Variants in SPTLC2 observed in about 807,000 individuals in gnomAD.
SPTLC2 encodes the protein serine palmitoyltransferase 2.
In SPTLC2, 21 loss-of-function variants were observed where a neutral mutation model predicts 62.0. The observed-to-expected ratio is 0.34, with a 90% CI of 0.24 to 0.49. The LOEUF (loss-of-function observed/expected upper bound fraction) is 0.49. Among genes scored for constraint, SPTLC2 ranks in the 20% least tolerant of loss-of-function variants. SPTLC2 has a pLI of 0.99. For missense variants in SPTLC2, 511 were observed against 713.0 expected, an observed-to-expected ratio of 0.72 and a Z score of 3.23; for synonymous variants, 261 against 261.8, an observed-to-expected ratio of 1.00 and a Z score of 0.03.
At chr14:77,538,218 C>A (rs2079480916) in intron 9 of SPTLC2, among the ~76,000 whole-genome samples, 1 of 152,196 alleles carries the variant, frequency 6.6e-6, no homozygotes, top group Non-Finnish European at 1.5e-5. Flanking sequence ...AGTACCTCTA[C>A]CATCACATCA....
intron 9 of SPTLC2, among the ~76,000 whole-genome samples, chr14:77,542,235 GT>G (rs1424748902): frequency 2.6e-5 from 4 of 151,636 alleles, no homozygotes; most frequent in African/African-American, 7.3e-5. Context: ...TTTCTTTTGT[GT>G]TTTTTTTCAC....
chr14:77,564,370 A>C lies in SPTLC2; in HGVS notation c.757-1881T>G, dbSNP rs377258549. The stretch of plus-strand genomic sequence containing the variant: ...AGACTAGAGCCGGCAGTATCAATAG[A>C]CTCCTGGCTTTCAAATCTTTATGCA... On this transcript the variant is annotated intron_variant, in intron 5 of 11. Transcript: ENST00000216484. 6.0e-3 allele frequency among the ~76,000 whole-genome samples: 899 copies of C among 150,592 alleles called. 14 individuals carry two copies. The highest frequency in any genetic ancestry group is 0.021 in the African/African-American group (842 of 40,772).
intron 10 of SPTLC2, 59 bp downstream of exon 10, chr14:77,521,387 G>T (rs1353466812): frequency 5.6e-6 from 9 of 1,607,526 alleles, no homozygotes; most frequent in Non-Finnish European, 7.7e-6. Flanking sequence ...ATAAGCCCTG[G>T]TCTCACATCA....
intron 5 of SPTLC2, among the ~76,000 whole-genome samples, chr14:77,568,421 T>C (rs2079658395): frequency 6.6e-6 from 1 of 152,180 alleles, no homozygotes; most frequent in South Asian, 2.1e-4. Context: ...AGTGAAGTGT[T>C]TCATGACTCT....
At chr14:77,536,304 TAA>T (rs149832161) in intron 9 of SPTLC2, among the ~76,000 whole-genome samples, 3,402 of 152,236 alleles carry the variant, frequency 0.022, 104 homozygotes, top group African/African-American at 0.077. Flanking sequence ...TTTACCACAA[TAA>T]AAAAGTTTTA....
intron 10 of SPTLC2, among the ~76,000 whole-genome samples, chr14:77,519,765 AG>A (rs1462602617): frequency 9.2e-5 from 14 of 152,218 alleles, no homozygotes; most frequent in Non-Finnish European, 5.9e-5. Flanking sequence ...CACTCTCTGT[AG>A]TACCAGTACA....
Position 77,570,497 on chromosome 14 carries a change from T to C in SPTLC2, c.643A>G (p.Lys215Glu), listed in dbSNP as rs971010669. ...ACAAGCTCCTCTAGTTCTTCATGCTTGTCCAGGTTTCCTGTGTGAAGAAGT... is the reference window on the plus strand; with the variant it reads ...ACAAGCTCCTCTAGTTCTTCATGCTCGTCCAGGTTTCCTGTGTGAAGAAGT... ...STRQEIGNLD[K>E]HEELEELVAR... Residue 215 changes from lysine (K) to glutamate (E), a missense_variant, in exon 5 of 12, where the codon AAG becomes GAG. By Grantham distance (56) the Lys-to-Glu change is moderately conservative. Coordinates refer to ENST00000216484, the MANE Select transcript of SPTLC2 (RefSeq NM_004863.4). 6.2e-7 allele frequency: 1 copy of C among 1,613,918 alleles called. No homozygotes were observed. The highest frequency in any genetic ancestry group is 8.5e-7 in the Non-Finnish European group (1 of 1,179,956).
intron 2 of SPTLC2, among the ~76,000 whole-genome samples, chr14:77,591,829 T>C (rs2079819337): frequency 6.6e-6 from 1 of 152,144 alleles, no homozygotes; most frequent in Non-Finnish European, 1.5e-5. Flanking sequence ...GTTCAAGTGA[T>C]TCTCGTGCCT....
chr14:77,607,581 T>C (rs940188817), intron 1 of SPTLC2, among the ~76,000 whole-genome samples: 22 of 152,236 alleles, frequency 1.4e-4, no homozygotes, highest in African/African-American at 5.3e-4. Flanking sequence ...TCAGAGGTAC[T>C]ACAACTTAAT....
chr14:77,538,296 A>C (rs1183863038), intron 9 of SPTLC2, among the ~76,000 whole-genome samples: 1 of 152,232 alleles, frequency 6.6e-6, no homozygotes. Flanking sequence ...TGGCAAGCAG[A>C]CACCGTCCTT....
intron 1 of SPTLC2, among the ~76,000 whole-genome samples, chr14:77,598,053 T>C (rs532874175): frequency 7.1e-6 from 1 of 141,680 alleles, no homozygotes; most frequent in East Asian, 2.0e-4. Flanking sequence ...ACCTTGGAGA[T>C]GGAAGTTGTG....
intron 8 of SPTLC2, among the ~76,000 whole-genome samples, chr14:77,553,111 G>A (rs1350483588): frequency 2.6e-5 from 4 of 152,090 alleles, no homozygotes; most frequent in East Asian, 1.9e-4. Context: ...GTAAAACTCT[G>A]TCATTTACAA....
At chr14:77,557,721 A>G (rs1361763732) in intron 6 of SPTLC2, among the ~76,000 whole-genome samples, 1 of 152,220 alleles carries the variant, frequency 6.6e-6, no homozygotes, top group African/African-American at 2.4e-5. Context: ...GGCATGTATA[A>G]GTCTGTGTGT....
chr14:77,527,038 C>A (rs1353763495), intron 9 of SPTLC2, among the ~76,000 whole-genome samples: 1 of 151,544 alleles, frequency 6.6e-6, no homozygotes, highest in African/African-American at 2.4e-5. Context: ...TCATGATCCA[C>A]CTGCCTCGGC....
At chr14:77,565,207 A>G (rs1028546691) in intron 5 of SPTLC2, among the ~76,000 whole-genome samples, 1 of 131,432 alleles carries the variant, frequency 7.6e-6, no homozygotes, top group Non-Finnish European at 1.5e-5. Context: ...GCGCCACTGC[A>G]CTCCAGCCAG....
chr14:77,512,784 G>A (rs572353493), intron 11 of SPTLC2, among the ~76,000 whole-genome samples: 4 of 152,042 alleles, frequency 2.6e-5, no homozygotes, highest in African/African-American at 9.6e-5. Flanking sequence ...GGCGCCCTCC[G>A]AGCTCACTGC....
intron 9 of SPTLC2, among the ~76,000 whole-genome samples, chr14:77,523,625 C>A (rs2079395234): frequency 6.6e-6 from 1 of 152,198 alleles, no homozygotes; most frequent in Non-Finnish European, 1.5e-5. Context: ...ACAATTCCTG[C>A]ACTCACATGG....
chr14:77,611,528 T>TA (rs1245514702), intron 1 of SPTLC2, among the ~76,000 whole-genome samples: 5 of 150,656 alleles, frequency 3.3e-5, no homozygotes, highest in Admixed American at 6.6e-5. Flanking sequence ...TAGACCACAT[T>TA]AAAAAACAAA....
At chr14:77,556,593 A>G (rs1455726040) in intron 7 of SPTLC2, among the ~76,000 whole-genome samples, 1 of 152,180 alleles carries the variant, frequency 6.6e-6, no homozygotes, top group African/African-American at 2.4e-5. Context: ...GGGTCTCACT[A>G]TGTTGCCCAA....
Sources: gnomAD v4.1 joint callset for allele counts (sites outside exome capture counted in the v4.1 genomes callset) on GRCh38, gnomAD v4.1.1 for gene constraint, MANE v1.5 for transcripts, NCBI Gene and HGNC (gene_info 2026-07-23, HGNC 2026-07-21) for gene names.